The following SPTSSB variants were observed in gnomAD, a reference collection of about 807,000 sequenced individuals.
SPTSSB encodes the protein serine palmitoyltransferase small subunit B.
SPTSSB carries 6 observed loss-of-function variants against 7.7 expected under a neutral mutation model. The observed-to-expected ratio is 0.78, with a 90% CI of 0.43 to 1.54. The LOEUF is 1.54. SPTSSB is among the 40% of genes most tolerant of loss of function. The pLI, the probability that SPTSSB is intolerant of heterozygous loss-of-function variation, is 0.01. For synonymous variants in SPTSSB, 28 were observed against 29.7 expected (o/e 0.94, Z 0.19); for missense variants, 91 against 93.0 (o/e 0.98, Z 0.09).
chr3:161,350,627 T>C (rs1714488546), intron 2 of SPTSSB, among the ~76,000 whole-genome samples: 1 of 152,206 alleles, frequency 6.6e-6, no homozygotes, highest in African/African-American at 2.4e-5. Context: ...AGACTCTTTC[T>C]GTACTCACAG....
intron 1 of SPTSSB, among the ~76,000 whole-genome samples, chr3:161,368,651 C>T (rs112805131): frequency 1.3e-5 from 2 of 152,200 alleles, no homozygotes; most frequent in East Asian, 1.9e-4. Context: ...TGGTCTCGAT[C>T]TCCTGACCTC....
intron 1 of SPTSSB, among the ~76,000 whole-genome samples, chr3:161,369,045 C>T (rs1015370141): frequency 5.3e-5 from 8 of 152,060 alleles, no homozygotes; most frequent in Non-Finnish European, 1.2e-4. Flanking sequence ...AGTTCTTGAA[C>T]GGACATAAGT....
chr3:161,353,982 C>G (rs1444938402), intron 2 of SPTSSB, among the ~76,000 whole-genome samples: 1 of 151,938 alleles, frequency 6.6e-6, no homozygotes, highest in Non-Finnish European at 1.5e-5. Flanking sequence ...ATTTGGAGTC[C>G]AAGTTTTTAG....
intron 2 of SPTSSB, among the ~76,000 whole-genome samples, chr3:161,347,026 G>A (rs1021445511): frequency 2.6e-5 from 4 of 152,042 alleles, no homozygotes; most frequent in Non-Finnish European, 4.4e-5. Flanking sequence ...AGAGGAGGAG[G>A]CTTTAAGTTC....
chr3:161,351,385 C>T (rs1019756290), intron 2 of SPTSSB, among the ~76,000 whole-genome samples: 1 of 152,176 alleles, frequency 6.6e-6, no homozygotes, highest in Non-Finnish European at 1.5e-5. Flanking sequence ...TTAGGAAAGC[C>T]TTCAAAGGTC....
intron 1 of SPTSSB, among the ~76,000 whole-genome samples, chr3:161,362,667 A>G (rs938557877): frequency 1.1e-4 from 16 of 152,098 alleles, no homozygotes; most frequent in Non-Finnish European, 1.9e-4. Context: ...TATGATGACA[A>G]ATAATTACAT....
chr3:161,367,861 T>G (rs943446740), intron 1 of SPTSSB, among the ~76,000 whole-genome samples: 3 of 152,192 alleles, frequency 2.0e-5, no homozygotes, highest in Non-Finnish European at 4.4e-5. Flanking sequence ...AATGTGGGCC[T>G]GAACAAACTC....
At chr3:161,354,183 C>G (rs1714669568) in intron 2 of SPTSSB, among the ~76,000 whole-genome samples, 1 of 152,138 alleles carries the variant, frequency 6.6e-6, no homozygotes, top group African/African-American at 2.4e-5. Flanking sequence ...CAAAGTTACT[C>G]TAATTAAATT....
rs1260776657 is a variant in SPTSSB at position 161,345,906 on chromosome 3, G to C, written c.*187C>G. 1 of 525,082 alleles carries C rather than the reference G, an allele frequency of 1.9e-6. No homozygotes were observed. Among genetic ancestry groups the C allele is most frequent in the Non-Finnish European group, 3.4e-6 (1 of 291,404 alleles). 32.5% of individuals were successfully genotyped at this position (525,082 alleles called of 1,614,324 possible). On this transcript the variant is annotated 3_prime_UTR_variant, in exon 3 of 3. Transcript: ENST00000620149. ...TATCTCCGGTCTAAAGCACAATGTA[G>C]CATGTGCAAAAGAAACTAAAGAGAC...
chr3:161,354,058 C>T (rs1714661970), intron 2 of SPTSSB, among the ~76,000 whole-genome samples: 1 of 152,058 alleles, frequency 6.6e-6, no homozygotes, highest in Admixed American at 6.6e-5. Flanking sequence ...AATCGAACAA[C>T]CATAGGGCAA....
chr3:161,367,072 G>A (rs1374108030), intron 1 of SPTSSB, among the ~76,000 whole-genome samples: 5 of 152,216 alleles, frequency 3.3e-5, no homozygotes, highest in African/African-American at 1.2e-4. Context: ...AGCTACTGGG[G>A]AGGCTGAGGC....
chr3:161,369,352 C>CTTTCTTTCTTTCTTTCTTTCTTTCTT (rs71149709), intron 1 of SPTSSB, among the ~76,000 whole-genome samples: 3 of 50,770 alleles, frequency 5.9e-5, no homozygotes, highest in East Asian at 5.0e-4. Flanking sequence ...TTCTTTCTTT[C>CTTTCTTTCTTTCTTTCTTTCTTTCTT]TCTTTCTTTC....
chr3:161,360,422 T>C (rs1203170862), intron 1 of SPTSSB, among the ~76,000 whole-genome samples: 1 of 152,258 alleles, frequency 6.6e-6, no homozygotes, highest in East Asian at 1.9e-4. Context: ...TGTCATTTAT[T>C]TGATGTGGAA....
intron 2 of SPTSSB, among the ~76,000 whole-genome samples, chr3:161,348,566 C>T (rs958394924): frequency 6.6e-6 from 1 of 152,200 alleles, no homozygotes. Context: ...AGCACACCAA[C>T]ATGTATAGCA....
At chr3:161,346,659 G>A (rs1271534056) in intron 2 of SPTSSB, among the ~76,000 whole-genome samples, 1 of 152,108 alleles carries the variant, frequency 6.6e-6, no homozygotes, top group African/African-American at 2.4e-5. Context: ...TAAAAATTGA[G>A]GTTAGCCTCA....
intron 1 of SPTSSB, among the ~76,000 whole-genome samples, chr3:161,363,097 T>C (rs752308289): frequency 3.8e-4 from 57 of 151,936 alleles, no homozygotes; most frequent in Non-Finnish European, 6.5e-4. Context: ...GAAAGTTATT[T>C]ATTTATTTCA....
chr3:161,350,896 G>A (rs1714505092), intron 2 of SPTSSB, among the ~76,000 whole-genome samples: 1 of 152,042 alleles, frequency 6.6e-6, no homozygotes, highest in African/African-American at 2.4e-5. Context: ...ATGATATGAT[G>A]TCAAAAAAGA....
At chr3:161,365,715 G>C (rs922260404) in intron 1 of SPTSSB, among the ~76,000 whole-genome samples, 1 of 152,116 alleles carries the variant, frequency 6.6e-6, no homozygotes, top group Non-Finnish European at 1.5e-5. Flanking sequence ...TCTTTATTCT[G>C]AATATTCTTA....
At chr3:161,347,840 CCATTGCA>C (rs1206540330) in intron 2 of SPTSSB, 1 of 152,114 alleles carries the variant, frequency 6.6e-6, no homozygotes, top group Non-Finnish European at 1.5e-5. Context: ...CGAGATCTTG[CCATTGCA>C]CTCCAGCCTG....
Sources: allele counts gnomAD v4.1 joint callset (sites outside exome capture counted in the v4.1 genomes callset), GRCh38; gene constraint gnomAD v4.1.1; transcripts MANE v1.5; gene names NCBI Gene and HGNC (gene_info 2026-07-23, HGNC 2026-07-21).